Variants in CDH7 observed in about 807,000 individuals in gnomAD.
CDH7 encodes cadherin 7.
A neutral mutation model predicts 71.8 loss-of-function variants in CDH7; 25 were observed. The ratio of observed to expected loss-of-function variants is 0.35; its 90% CI spans 0.25 to 0.49. The LOEUF is 0.49. Among genes scored for constraint, CDH7 ranks in the 20% least tolerant of loss-of-function variants. The pLI, the probability that CDH7 is intolerant of heterozygous loss-of-function variation, is 0.99. For synonymous variants in CDH7, 381 were observed against 363.8 expected (o/e 1.05, Z -0.54); for missense variants, 862 against 974.6 (o/e 0.88, Z 1.54).
In CDH7 at chr18:65,809,808, T is replaced by C; in HGVS notation, c.315T>C (p.His105=). ...FIIDENTGDI[H]ATKRLDREEQ... is the part of the protein sequence containing the mutation. Reference sequence around the variant, plus strand: ...TTGATGAGAACACTGGGGATATTCATGCCACCAAGAGACTGGATCGTGAGG... The same window carrying C: ...TTGATGAGAACACTGGGGATATTCACGCCACCAAGAGACTGGATCGTGAGG... Residue 105 remains histidine (H), a synonymous_variant, in exon 3 of 12, where the codon CAT becomes CAC. Transcript: ENST00000397968. 1.9e-6 allele frequency: 3 copies of C among 1,614,094 alleles called. No homozygotes were observed. Among genetic ancestry groups the C allele is most frequent in the South Asian group, 1.1e-5 (1 of 91,078 alleles).
chr18:65,786,186 C>T (rs777158336), intron 2 of CDH7, among the ~76,000 whole-genome samples: 27 of 151,818 alleles, frequency 1.8e-4, no homozygotes, highest in Admixed American at 1.2e-3. Context: ...CTGATTATAT[C>T]AGGGAGATCA....
intron 2 of CDH7, among the ~76,000 whole-genome samples, chr18:65,793,834 G>A (rs1910803349): frequency 6.6e-6 from 1 of 152,096 alleles, no homozygotes; most frequent in African/African-American, 2.4e-5. Context: ...ATGACTTCAT[G>A]TGCTCGTAAG....
At chr18:65,854,316 A>AAATG (rs75400205) in intron 7 of CDH7, among the ~76,000 whole-genome samples, 66 of 151,288 alleles carry the variant, frequency 4.4e-4, no homozygotes, top group African/African-American at 1.6e-3. Context: ...ATAAATAAAT[A>AAATG]TATCTACAAG....
At chr18:65,773,926 C>G (rs928076541) in intron 2 of CDH7, among the ~76,000 whole-genome samples, 2 of 151,682 alleles carry the variant, frequency 1.3e-5, no homozygotes, top group Middle Eastern at 3.2e-3. Context: ...ATTTTTACAC[C>G]CCCACACTAA....
chr18:65,853,906 C>CATATATATATAT (rs4047846), intron 7 of CDH7, among the ~76,000 whole-genome samples: 2 of 34,210 alleles, frequency 5.8e-5, no homozygotes, highest in African/African-American at 1.9e-4. Flanking sequence ...CATAAATTAC[C>CATATATATATAT]ATATATATAT....
At chr18:65,781,562 C>A (rs948090607) in intron 2 of CDH7, among the ~76,000 whole-genome samples, 1 of 152,090 alleles carries the variant, frequency 6.6e-6, no homozygotes, top group Admixed American at 6.5e-5. Context: ...TAAAAGGCTA[C>A]ATTGTTGGAG....
At chr18:65,790,733 G>C (rs546298472) in intron 2 of CDH7, among the ~76,000 whole-genome samples, 22 of 152,146 alleles carry the variant, frequency 1.4e-4, no homozygotes, top group Non-Finnish European at 3.1e-4. Context: ...GCCTGATGTG[G>C]TGTTGCACGC....
intron 2 of CDH7, among the ~76,000 whole-genome samples, chr18:65,790,213 T>C: frequency 1.0e-5 from 1 of 99,726 alleles, no homozygotes; most frequent in Admixed American, 1.3e-4. Flanking sequence ...AGAGTAAGAC[T>C]CTCTCTCAAA....
At chr18:65,813,387 C>G (rs1911611136) in intron 3 of CDH7, among the ~76,000 whole-genome samples, 1 of 152,026 alleles carries the variant, frequency 6.6e-6, no homozygotes, top group African/African-American at 2.4e-5. Flanking sequence ...TAGTGCTGTA[C>G]ACTTAACTTT....
At chr18:65,853,094 T>A (rs142004491) in intron 7 of CDH7, among the ~76,000 whole-genome samples, 16 of 152,254 alleles carry the variant, frequency 1.1e-4, no homozygotes, top group African/African-American at 3.4e-4. Flanking sequence ...GCTGCAAAAA[T>A]ATGGAAGTGA....
chr18:65,828,030 T>C (rs1226889880), intron 6 of CDH7, among the ~76,000 whole-genome samples: 1 of 151,816 alleles, frequency 6.6e-6, no homozygotes. Flanking sequence ...ACCCTCCTCC[T>C]TCTCCACGTA....
rs148827071 is a variant in CDH7 at position 65,885,017 on chromosome 18, GTTTA to G, written c.*4127_*4130del. 419 of 152,198 alleles carry G rather than the reference GTTTA, an allele frequency of 2.8e-3. 2 individuals carry two copies. The highest frequency in any genetic ancestry group is 9.4e-3 in the African/African-American group (389 of 41,534). 9.4% of individuals were successfully genotyped at this position (152,198 alleles called of 1,614,324 possible). A position where few individuals can be genotyped will look rare whatever the true frequency, so the allele number is the denominator to read the frequency against. Reference sequence around the variant, plus strand: ...ACCAATTTATTTTCTGTTAGTGTATGTTTATTTTTTAATTATTAATAATGTATAT... The same window carrying G: ...ACCAATTTATTTTCTGTTAGTGTATGTTTTTTAATTATTAATAATGTATAT... On this transcript the variant is annotated 3_prime_UTR_variant, in exon 12 of 12. Coordinates refer to ENST00000397968, the MANE Select transcript of CDH7 (RefSeq NM_004361.5).
chr18:65,793,083 G>C (rs1910771456), intron 2 of CDH7, among the ~76,000 whole-genome samples: 1 of 151,912 alleles, frequency 6.6e-6, no homozygotes, highest in Non-Finnish European at 1.5e-5. Context: ...GTGTGCAGTG[G>C]GTGAGTTTCT....
chr18:65,850,996 G>T (rs1913131762), intron 7 of CDH7, among the ~76,000 whole-genome samples: 1 of 151,870 alleles, frequency 6.6e-6, no homozygotes, highest in African/African-American at 2.4e-5. Flanking sequence ...TAGAGATGGG[G>T]CTTTGCCATG....
At chr18:65,850,580 TTTATTATTATTATTATTATTATTA>T (rs138534553) in intron 7 of CDH7, among the ~76,000 whole-genome samples, 3 of 147,752 alleles carry the variant, frequency 2.0e-5, no homozygotes, top group Admixed American at 6.8e-5. Context: ...CTGCAGAGGT[TTTATTATTATTATTATTATTATTA>T]TTATTATTAT....
At chr18:65,875,519 T>G (rs1281488315) in intron 11 of CDH7, among the ~76,000 whole-genome samples, 2 of 152,224 alleles carry the variant, frequency 1.3e-5, no homozygotes, top group Admixed American at 1.3e-4. Context: ...TTTCTCCATA[T>G]TCCCTTCCTT....
rs114963601 is a variant in CDH7 at position 65,815,141 on chromosome 18, A to C, written c.625+537A>C. Among the ~76,000 whole-genome samples the C allele has an allele frequency of 7.8e-3, 1,193 of 152,280 alleles. 12 individuals carry two copies. The highest frequency in any genetic ancestry group is 0.027 in the African/African-American group (1,115 of 41,568). On this transcript the variant is annotated intron_variant, in intron 4 of 11. Transcript: ENST00000397968. Reference sequence around the variant, plus strand: ...GGGAACAATTTTTACTGAGTTGAAAAGTGGTATGGATAGAATATGTAGTTG... The same window carrying C: ...GGGAACAATTTTTACTGAGTTGAAACGTGGTATGGATAGAATATGTAGTTG...
intron 3 of CDH7, among the ~76,000 whole-genome samples, chr18:65,811,966 C>CTTTTTTT (rs57594274): frequency 0.049 from 4,659 of 95,480 alleles, 52 homozygotes; most frequent in East Asian, 0.085. Context: ...CTTTTCTTTT[C>CTTTTTTT]TTTTTTTTTT....
intron 2 of CDH7, among the ~76,000 whole-genome samples, chr18:65,769,850 C>A (rs890200002): frequency 6.6e-6 from 1 of 152,128 alleles, no homozygotes. Flanking sequence ...CTCACTGTAT[C>A]ACGTCAGAAG....
Sources: allele counts gnomAD v4.1 joint callset (sites outside exome capture counted in the v4.1 genomes callset), GRCh38; gene constraint gnomAD v4.1.1; transcripts MANE v1.5; gene names NCBI Gene and HGNC (gene_info 2026-07-23, HGNC 2026-07-21).